ASXL2: variants seen among roughly 807,000 people sequenced by gnomAD.
The protein encoded by ASXL2 is putative Polycomb group protein ASXL2.
A neutral mutation model predicts 122.0 loss-of-function variants in ASXL2; 23 were observed. The ratio of observed to expected loss-of-function variants is 0.19; its 90% CI spans 0.14 to 0.27. ASXL2 has a LOEUF of 0.27. Ranked by LOEUF, ASXL2 falls within the 10% of genes least tolerant of loss-of-function variation. The pLI, the probability that ASXL2 is intolerant of heterozygous loss-of-function variation, is 1.00. For missense variants in ASXL2, 1,518 were observed against 1,713.8 expected (o/e 0.89, Z 2.02); for synonymous variants, 650 against 637.0 (o/e 1.02, Z -0.31).
intron 5 of ASXL2, among the ~76,000 whole-genome samples, chr2:25,779,123 C>G (rs1042133015): frequency 9.3e-5 from 12 of 129,728 alleles, no homozygotes; most frequent in Non-Finnish European, 1.1e-4. Context: ...GGAGTCTCCT[C>G]CTGTTGCTCA....
chr2:25,842,224 T>C, intron 2 of ASXL2, among the ~76,000 whole-genome samples: 1 of 151,722 alleles, frequency 6.6e-6, no homozygotes. Flanking sequence ...GAAAAAGAGG[T>C]ATCCAAATGG....
At position 25,878,345 on chromosome 2, in the gene ASXL2, CG is replaced by C. The variant is rs946617617; in HGVS notation, c.-124del. ...AGGTGGGAGAAAAGGGAAGTCAGAC[CG>C]GGGGGGCACCCAAGCAGAGGAAGCG... On this transcript the variant is annotated 5_prime_UTR_variant, in exon 1 of 13. It removes the in-frame stop codon of an upstream open reading frame in the 5' UTR. Transcript: ENST00000435504. The C allele has an allele frequency of 5.1e-5, 45 of 874,274 alleles. No homozygotes were observed. The highest frequency in any genetic ancestry group is 6.6e-5 in the Non-Finnish European group (38 of 574,722). 54.2% of individuals were successfully genotyped at this position (874,274 alleles called of 1,614,324 possible). A position where few individuals can be genotyped will look rare whatever the true frequency, so the allele number is the denominator to read the frequency against.
intron 3 of ASXL2, among the ~76,000 whole-genome samples, chr2:25,816,778 T>G (rs1394379522): frequency 1.3e-5 from 2 of 152,214 alleles, no homozygotes; most frequent in Non-Finnish European, 2.9e-5. Flanking sequence ...CTTAAGAGTA[T>G]GAATGAAAAA....
At chr2:25,827,975 TA>T (rs1483405351) in intron 3 of ASXL2, among the ~76,000 whole-genome samples, 3 of 151,752 alleles carry the variant, frequency 2.0e-5, no homozygotes, top group African/African-American at 4.8e-5. Context: ...TGTCTTCCAC[TA>T]ACATCTTCTA....
chr2:25,790,515 A>G (rs373416820), intron 5 of ASXL2, among the ~76,000 whole-genome samples: 17 of 152,280 alleles, frequency 1.1e-4, no homozygotes, highest in African/African-American at 4.1e-4. Context: ...TGGTACTTAT[A>G]GAAAAATAAT....
At chr2:25,821,096 T>C (rs957060518) in intron 3 of ASXL2, among the ~76,000 whole-genome samples, 1 of 152,080 alleles carries the variant, frequency 6.6e-6, no homozygotes, top group Non-Finnish European at 1.5e-5. Flanking sequence ...GGAGAACAGC[T>C]TGAACCCGGG....
At chr2:25,761,679 A>AG (rs2088249430) in intron 8 of ASXL2, among the ~76,000 whole-genome samples, 2 of 151,700 alleles carry the variant, frequency 1.3e-5, no homozygotes, top group East Asian at 3.9e-4. Flanking sequence ...TCTCAAAAAA[A>AG]AAAAAAAAAA....
intron 5 of ASXL2, among the ~76,000 whole-genome samples, chr2:25,790,433 TA>T (rs995955746): frequency 2.7e-5 from 4 of 148,688 alleles, no homozygotes; most frequent in Non-Finnish European, 6.0e-5. Context: ...AAAAAAAACA[TA>T]AAAAAAGGAA....
At chr2:25,803,989 T>C (rs963054512) in intron 4 of ASXL2, among the ~76,000 whole-genome samples, 2 of 152,130 alleles carry the variant, frequency 1.3e-5, no homozygotes, top group African/African-American at 2.4e-5. Flanking sequence ...CTTTGGTTTT[T>C]TTTTCCCCCC....
chr2:25,847,571 T>C (rs1358001781), intron 1 of ASXL2, among the ~76,000 whole-genome samples: 1 of 152,224 alleles, frequency 6.6e-6, no homozygotes, highest in Non-Finnish European at 1.5e-5. Flanking sequence ...ATGTCCAAAG[T>C]TAAACTTACT....
intron 3 of ASXL2, among the ~76,000 whole-genome samples, chr2:25,820,032 C>A (rs940563732): frequency 6.6e-6 from 1 of 152,182 alleles, no homozygotes; most frequent in Non-Finnish European, 1.5e-5. Context: ...CTGCCTCCAC[C>A]TCTAGAGTAG....
chr2:25,828,775 A>G (rs1322138746), intron 3 of ASXL2, among the ~76,000 whole-genome samples: 1 of 140,436 alleles, frequency 7.1e-6, no homozygotes, highest in Non-Finnish European at 1.5e-5. Flanking sequence ...CAGTGAGCTG[A>G]GATCGCACCA....
At chr2:25,834,371 A>T (rs2089485558) in intron 3 of ASXL2, among the ~76,000 whole-genome samples, 1 of 152,116 alleles carries the variant, frequency 6.6e-6, no homozygotes, top group African/African-American at 2.4e-5. Context: ...TAAATAAATA[A>T]ATAAGAACAA....
At chr2:25,802,460 G>C (rs933286630) in intron 4 of ASXL2, among the ~76,000 whole-genome samples, 2 of 152,136 alleles carry the variant, frequency 1.3e-5, no homozygotes, top group African/African-American at 4.8e-5. Context: ...AATTTCCTAA[G>C]CAATAGTGTT....
At chr2:25,756,205 T>C in intron 9 of ASXL2, 91 bp from the exon 10 acceptor site, 1 of 570,128 alleles carries the variant, frequency 1.8e-6, no homozygotes, top group Admixed American at 3.8e-5. Flanking sequence ...TAAAAGAATG[T>C]ATATATATTT....
intron 4 of ASXL2, among the ~76,000 whole-genome samples, chr2:25,800,684 C>T (rs1337440849): frequency 6.6e-6 from 1 of 152,122 alleles, no homozygotes; most frequent in African/African-American, 2.4e-5. Flanking sequence ...CTGGCTTTAC[C>T]CTCTCCTAAT....
At chr2:25,768,696 A>T (rs750030761) in intron 7 of ASXL2, 46 bp downstream of exon 7, 53 of 1,590,670 alleles carry the variant, frequency 3.3e-5, no homozygotes, top group Non-Finnish European at 4.4e-5. Flanking sequence ...ACATAAAAAT[A>T]CTAGGAAAAA....
intron 5 of ASXL2, among the ~76,000 whole-genome samples, chr2:25,797,963 G>A (rs1242634118): frequency 6.6e-6 from 1 of 152,164 alleles, no homozygotes; most frequent in African/African-American, 2.4e-5. Context: ...ATTCATAATT[G>A]CCAAAACTTG....
chr2:25,799,142 C>A (rs533090314), intron 5 of ASXL2, among the ~76,000 whole-genome samples: 2 of 152,206 alleles, frequency 1.3e-5, no homozygotes, highest in Admixed American at 1.3e-4. Context: ...TTTTTAAATT[C>A]CTTGGTCATA....
Sources: allele counts gnomAD v4.1 joint callset (sites outside exome capture counted in the v4.1 genomes callset), GRCh38; gene constraint gnomAD v4.1.1; transcripts MANE v1.5; gene names NCBI Gene and HGNC (gene_info 2026-07-23, HGNC 2026-07-21).